The following THSD7B variants were observed in gnomAD, a reference collection of about 807,000 sequenced individuals.
THSD7B encodes thrombospondin type-1 domain-containing protein 7B.
Under a neutral mutation model 213.6 loss-of-function variants are expected in THSD7B, and 138 were observed. The ratio of observed to expected loss-of-function variants is 0.65; its 90% CI spans 0.56 to 0.74. The LOEUF (loss-of-function observed/expected upper bound fraction) is 0.74. Ranked by LOEUF, THSD7B falls within the 30% of genes least tolerant of loss-of-function variation. The pLI is 0.00. For missense variants in THSD7B, 1,931 were observed against 1,991.5 expected, an observed-to-expected ratio of 0.97 and a Z score of 0.58; for synonymous variants, 742 against 687.0, an observed-to-expected ratio of 1.08 and a Z score of -1.25.
intron 2 of THSD7B, among the ~76,000 whole-genome samples, chr2:137,025,352 C>G (rs1311578285): frequency 6.6e-6 from 1 of 152,264 alleles, no homozygotes; most frequent in Non-Finnish European, 1.5e-5. Context: ...TCAGAGGAAC[C>G]TTCTCTGATC....
chr2:136,979,744 GA>G (rs1490172215), intron 2 of THSD7B, among the ~76,000 whole-genome samples: 3 of 152,146 alleles, frequency 2.0e-5, no homozygotes, highest in Admixed American at 6.5e-5. Flanking sequence ...TTAGCTCAGT[GA>G]AGTTCATTAT....
intron 2 of THSD7B, 73 bp from the exon 3 acceptor site, chr2:137,056,347 T>C: frequency 1.4e-6 from 2 of 1,449,456 alleles, no homozygotes; most frequent in Non-Finnish European, 1.9e-6. Flanking sequence ...AGTGTGTTAA[T>C]TGACTTCTAC....
rs542140528 is a variant in THSD7B at position 136,876,183 on chromosome 2, C to A, written c.-35-5961C>A. Reference sequence around the variant, plus strand: ...AACTTTGGAAATAATAGCTTAGGAACAACCGCTGCCAAACACAGTCATCAT... The same window carrying A: ...AACTTTGGAAATAATAGCTTAGGAAAAACCGCTGCCAAACACAGTCATCAT... On this transcript the variant is annotated intron_variant, in intron 1 of 27. Transcript: ENST00000409968. Among the ~76,000 whole-genome samples, 4 of 152,292 alleles carry A rather than the reference C, an allele frequency of 2.6e-5. No individual in the cohort carries two copies. In the East Asian group the frequency reaches 7.7e-4, roughly 29 times the overall value.
In THSD7B at chr2:137,421,891, G is replaced by A. The variant is rs556355308; in HGVS notation, c.2959+10019G>A. ...ACCTGGATGAACACCAATATAAATC[G>A]TAACACCACACTTACCATCTCAATA... On this transcript the variant is annotated intron_variant, in intron 14 of 27. Coordinates refer to ENST00000409968, the MANE Select transcript of THSD7B (RefSeq NM_001316349.2). Among the ~76,000 whole-genome samples, 11 of 152,268 alleles carry A rather than the reference G, an allele frequency of 7.2e-5. No individual in the cohort carries two copies. In the South Asian group the frequency reaches 1.9e-3, roughly 26 times the overall value.
rs188410280 is a variant in THSD7B at position 137,531,032 on chromosome 2, C to A, written c.3139-32189C>A. ...TACAAAGCATTTTCGTAGCCTACAT[C>A]TTTCTGTTGTTAAATGGTGTGTTTA... On this transcript the variant is annotated intron_variant, in intron 15 of 27. Transcript: ENST00000409968. Among the ~76,000 whole-genome samples the A allele has an allele frequency of 1.4e-4, 22 of 152,074 alleles. 1 individual carries two copies. Among genetic ancestry groups the A allele is most frequent in the African/African-American group, 5.1e-4 (21 of 41,522 alleles).
chr2:137,558,365 A>G lies in THSD7B; in HGVS notation c.3139-4856A>G, dbSNP rs569249431. Among the ~76,000 whole-genome samples the G allele has an allele frequency of 2.6e-5, 4 of 152,344 alleles. No homozygotes were observed. The East Asian group carries it at 7.7e-4, about 29-fold the overall frequency. Reference sequence around the variant, plus strand: ...CAGCACATCAAAAAGCTTATCCACCATGATCAATTGGGCTTCATCCCTGGG... The same window carrying G: ...CAGCACATCAAAAAGCTTATCCACCGTGATCAATTGGGCTTCATCCCTGGG... On this transcript the variant is annotated intron_variant, in intron 15 of 27. Coordinates refer to ENST00000409968, the MANE Select transcript of THSD7B (RefSeq NM_001316349.2).
At chr2:136,935,440 A>G (rs1684705814) in intron 2 of THSD7B, among the ~76,000 whole-genome samples, 1 of 152,078 alleles carries the variant, frequency 6.6e-6, no homozygotes. Context: ...AGTAGTTATT[A>G]TTTTGTCATT....
intron 12 of THSD7B, among the ~76,000 whole-genome samples, chr2:137,344,477 T>C (rs1219010246): frequency 6.6e-6 from 1 of 151,628 alleles, no homozygotes; most frequent in Non-Finnish European, 1.5e-5. Context: ...AAGGAGAACT[T>C]ATAATTTCTG....
At chr2:136,887,473 G>C (rs908945688) in intron 2 of THSD7B, among the ~76,000 whole-genome samples, 5 of 152,090 alleles carry the variant, frequency 3.3e-5, no homozygotes, top group Non-Finnish European at 7.4e-5. Flanking sequence ...GATCATGAGG[G>C]GGGATCCCTG....
At chr2:137,048,036 C>G (rs1225006941) in intron 2 of THSD7B, among the ~76,000 whole-genome samples, 1 of 152,066 alleles carries the variant, frequency 6.6e-6, no homozygotes. Context: ...TTAGGTATTT[C>G]TCCTAATGCT....
intron 5 of THSD7B, among the ~76,000 whole-genome samples, chr2:137,138,221 A>C (rs1679508933): frequency 1.3e-5 from 2 of 152,072 alleles, no homozygotes. Context: ...TTTTGTGAAA[A>C]ATTCTTTCAT....
At chr2:137,398,706 AGG>A (rs1686266779) in intron 12 of THSD7B, among the ~76,000 whole-genome samples, 1 of 151,610 alleles carries the variant, frequency 6.6e-6, no homozygotes. Context: ...TTTGAGCTTC[AGG>A]GCTGCTTTGT....
intron 5 of THSD7B, among the ~76,000 whole-genome samples, chr2:137,133,060 A>T (rs1688770503): frequency 6.6e-6 from 1 of 152,220 alleles, no homozygotes; most frequent in Admixed American, 6.5e-5. Context: ...CTTATAATGA[A>T]GTATGGTTTC....
At chr2:136,978,046 GCCT>G (rs1217576119) in intron 2 of THSD7B, among the ~76,000 whole-genome samples, 1 of 152,072 alleles carries the variant, frequency 6.6e-6, no homozygotes, top group African/African-American at 2.4e-5. Context: ...TGATCTGCCA[GCCT>G]CAGCCTCCCA....
At chr2:137,642,989 T>G (rs1388418257) in intron 21 of THSD7B, among the ~76,000 whole-genome samples, 1 of 152,204 alleles carries the variant, frequency 6.6e-6, no homozygotes, top group South Asian at 2.1e-4. Context: ...CATAGCTTGC[T>G]TTAGATTGTT....
chr2:137,431,116 AG>A (rs1401735835), intron 14 of THSD7B, among the ~76,000 whole-genome samples: 2 of 152,232 alleles, frequency 1.3e-5, no homozygotes, highest in Admixed American at 1.3e-4. Flanking sequence ...CAAGGTGGTC[AG>A]GGAACAGCTT....
intron 1 of THSD7B, among the ~76,000 whole-genome samples, chr2:136,780,037 T>G (rs1681709727): frequency 6.6e-6 from 1 of 152,154 alleles, no homozygotes; most frequent in South Asian, 2.1e-4. Context: ...AGGTGATTTT[T>G]TGAGGGGGGT....
intron 12 of THSD7B, among the ~76,000 whole-genome samples, chr2:137,287,479 G>A (rs1225862900): frequency 6.6e-6 from 1 of 151,988 alleles, no homozygotes; most frequent in Non-Finnish European, 1.5e-5. Context: ...GCATGTTTTG[G>A]GGTAGGATTA....
intron 12 of THSD7B, among the ~76,000 whole-genome samples, chr2:137,312,019 A>G (rs13027381): frequency 0.16 from 23,413 of 148,044 alleles, 2,225 homozygotes; most frequent in Non-Finnish European, 0.21. Context: ...TGCTGGCCTC[A>G]TAAAATGAGT....
Sources: gnomAD v4.1 joint callset for allele counts (sites outside exome capture counted in the v4.1 genomes callset) on GRCh38, gnomAD v4.1.1 for gene constraint, MANE v1.5 for transcripts, NCBI Gene and HGNC (gene_info 2026-07-23, HGNC 2026-07-21) for gene names.